Variants in RAB10 observed in about 807,000 individuals in gnomAD.
RAB10 encodes the protein RAB10, member RAS oncogene family.
A neutral mutation model predicts 25.7 loss-of-function variants in RAB10; 5 were observed. The observed-to-expected ratio is 0.19, with a 90% confidence interval of 0.10 to 0.41. RAB10 has a LOEUF of 0.41. Ranked by LOEUF, RAB10 falls within the 10% of genes least tolerant of loss-of-function variation. RAB10 has a pLI of 1.00. For synonymous variants in RAB10, 89 were observed against 86.4 expected (o/e 1.03, Z -0.16); for missense variants, 103 against 245.8 (o/e 0.42, Z 3.89).
chr2:26,069,887 A>G lies in RAB10; in HGVS notation c.128-28775A>G, dbSNP rs538578051. Among the ~76,000 whole-genome samples, 65 of 151,940 alleles carry G rather than the reference A, an allele frequency of 4.3e-4. 2 individuals are homozygous for G. The South Asian group carries it at 0.013, about 30-fold the overall frequency. ...TGCCCCACTAATTTTTGTGTTTTTAATAGAGATGAGGTTTCGCCATGGTTG... is the reference window on the plus strand; with the variant it reads ...TGCCCCACTAATTTTTGTGTTTTTAGTAGAGATGAGGTTTCGCCATGGTTG... On this transcript the variant is annotated intron_variant, in intron 1 of 5. Coordinates refer to ENST00000264710, the MANE Select transcript of RAB10 (RefSeq NM_016131.5).
At chr2:26,058,370 A>G (rs11677219) in intron 1 of RAB10, among the ~76,000 whole-genome samples, 50,537 of 151,980 alleles carry the variant, frequency 0.33, 10,888 homozygotes, top group Non-Finnish European at 0.49. Context: ...GTGGCTTTCA[A>G]TCTCAGAAAG....
chr2:26,048,235 A>G (rs1262597797), intron 1 of RAB10, among the ~76,000 whole-genome samples: 4 of 152,114 alleles, frequency 2.6e-5, no homozygotes, highest in Admixed American at 1.3e-4. Flanking sequence ...CAAAACTGCA[A>G]TTGTTGGGTC....
chr2:26,127,898 A>G lies in RAB10; in HGVS notation c.466A>G (p.Asn156Asp), dbSNP rs1243884755. The G allele has an allele frequency of 1.9e-6, 3 of 1,611,752 alleles. No homozygotes were observed. Among genetic ancestry groups the G allele is most frequent in the East Asian group, 2.2e-5 (1 of 44,868 alleles). The change falls in exon 5 of 6, where the codon AAT becomes GAT. Residue 156 changes from asparagine to aspartate, a missense_variant. By Grantham distance (23) the Asn-to-Asp change is conservative. This residue lies in a region of RAB10 where 79 missense variants were observed against 217.8 expected (regional missense o/e 0.36). Coordinates refer to ENST00000264710, the MANE Select transcript of RAB10 (RefSeq NM_016131.5). ...GTTTTTTGAGACTAGTGCAAAAGCA[A>G]ATATAAACATCGAAAAGGCGTTCCT... ...IRFFETSAKANINIEKAFLTL... is the reference protein window; with the variant it reads ...IRFFETSAKADINIEKAFLTL...
chr2:26,045,518 C>T (rs539041665), intron 1 of RAB10, among the ~76,000 whole-genome samples: 2 of 152,076 alleles, frequency 1.3e-5, no homozygotes, highest in East Asian at 3.9e-4. Context: ...GGATTACAGG[C>T]GTGAGCCACC....
rs574030975 is a variant in RAB10 at position 26,044,693 on chromosome 2, G to A, written c.127+9958G>A. ...CCCGAGTAGCTGGGATTACAGGCAT[G>A]AGCCACCACTGCTGGCTAATTTTTG... On this transcript the variant is annotated intron_variant, in intron 1 of 5. Coordinates refer to ENST00000264710, the MANE Select transcript of RAB10 (RefSeq NM_016131.5). Among the ~76,000 whole-genome samples the A allele has an allele frequency of 1.8e-4, 27 of 152,088 alleles. 1 individual carries two copies. The South Asian group carries it at 2.3e-3, about 13-fold the overall frequency.
At chr2:26,039,927 G>A (rs138003579) in intron 1 of RAB10, among the ~76,000 whole-genome samples, 1 of 152,114 alleles carries the variant, frequency 6.6e-6, no homozygotes, top group East Asian at 1.9e-4. Context: ...ACTCATCTCA[G>A]ATTAGGCGTA....
chr2:26,111,519 G>A (rs555353241), intron 3 of RAB10, among the ~76,000 whole-genome samples: 7 of 151,540 alleles, frequency 4.6e-5, no homozygotes, highest in South Asian at 2.1e-4. Context: ...CAGGAGAATC[G>A]CTTGAACCCA....
chr2:26,066,013 G>T (rs1666505363), intron 1 of RAB10, among the ~76,000 whole-genome samples: 1 of 152,056 alleles, frequency 6.6e-6, no homozygotes, highest in South Asian at 2.1e-4. Context: ...TTTATCTTCA[G>T]TGTTACATGT....
rs559820756 is a variant in RAB10 at position 26,045,931 on chromosome 2, A to T, written c.127+11196A>T. ...TGAGGTTAACAGGACATCTGAACCC[A>T]GAAGACTAAAAGTCTTGTAAAGGTC... On this transcript the variant is annotated intron_variant, in intron 1 of 5. Transcript: ENST00000264710. Among the ~76,000 whole-genome samples the T allele has an allele frequency of 4.3e-4, 65 of 152,360 alleles. 2 individuals are homozygous for T. The South Asian group carries it at 0.013, about 30-fold the overall frequency.
chr2:26,125,857 A>T (rs1667892424), intron 3 of RAB10, among the ~76,000 whole-genome samples: 2 of 152,094 alleles, frequency 1.3e-5, no homozygotes, highest in Admixed American at 6.5e-5. Context: ...TTTGTTGCAC[A>T]GTAGTTTTTA....
At chr2:26,126,625 T>C (rs140097188) in intron 3 of RAB10, among the ~76,000 whole-genome samples, 83 of 152,334 alleles carry the variant, frequency 5.4e-4, no homozygotes, top group African/African-American at 1.7e-3. Flanking sequence ...TTAGATTCCA[T>C]ATGAATTTTT....
At chr2:26,063,622 C>T (rs1559582156) in intron 1 of RAB10, among the ~76,000 whole-genome samples, 1 of 152,170 alleles carries the variant, frequency 6.6e-6, no homozygotes, top group Non-Finnish European at 1.5e-5. Context: ...CAAGCTTCCT[C>T]AACTTTTTTG....
At chr2:26,074,293 T>TA (rs1666687506) in intron 1 of RAB10, among the ~76,000 whole-genome samples, 1 of 152,210 alleles carries the variant, frequency 6.6e-6, no homozygotes, top group Admixed American at 6.5e-5. Context: ...AGAGATGACT[T>TA]AAAATATTTT....
intron 3 of RAB10, among the ~76,000 whole-genome samples, chr2:26,121,304 C>G (rs531099681): frequency 6.6e-6 from 1 of 152,268 alleles, no homozygotes; most frequent in South Asian, 2.1e-4. Flanking sequence ...TTGTCTACCC[C>G]CTTTTAAACT....
chr2:26,118,830 A>G (rs1667743516), intron 3 of RAB10, among the ~76,000 whole-genome samples: 2 of 152,282 alleles, frequency 1.3e-5, no homozygotes, highest in South Asian at 4.1e-4. Flanking sequence ...TACAGTCTGC[A>G]TGTGTGATTC....
At chr2:26,122,625 C>CAA (rs775681640) in intron 3 of RAB10, among the ~76,000 whole-genome samples, 2,709 of 88,562 alleles carry the variant, frequency 0.031, 31 homozygotes, top group Non-Finnish European at 0.04. Context: ...GACTCTGTCT[C>CAA]AAAAAAAAAA....
chr2:26,063,213 C>T (rs1666445919), intron 1 of RAB10, among the ~76,000 whole-genome samples: 1 of 151,922 alleles, frequency 6.6e-6, no homozygotes, highest in Non-Finnish European at 1.5e-5. Context: ...GTGTAGATAG[C>T]CTTGGCAGTT....
upstream of RAB10, among the ~76,000 whole-genome samples, chr2:26,033,664 C>G (rs1574519591): frequency 6.6e-6 from 1 of 152,254 alleles, no homozygotes; most frequent in Non-Finnish European, 1.5e-5. Context: ...GCCAAGACCT[C>G]CAGCTCAACA....
intron 3 of RAB10, among the ~76,000 whole-genome samples, chr2:26,111,915 C>A (rs1667580811): frequency 6.6e-6 from 1 of 152,220 alleles, no homozygotes; most frequent in Admixed American, 6.5e-5. Flanking sequence ...CACATTTCTG[C>A]CTTCTGTCCA....
Sources: allele counts gnomAD v4.1 joint callset (sites outside exome capture counted in the v4.1 genomes callset), GRCh38; gene constraint gnomAD v4.1.1; regional missense constraint gnomAD v4.1.1; transcripts MANE v1.5; gene names NCBI Gene and HGNC (gene_info 2026-07-23, HGNC 2026-07-21).